Variants in UTRN observed in about 807,000 individuals in gnomAD.
UTRN encodes dystrophin-related protein 1.
A neutral mutation model predicts 463.9 loss-of-function variants in UTRN; 283 were observed. The observed-to-expected ratio is 0.61, with a 90% CI of 0.55 to 0.67. The LOEUF is 0.67. Among genes scored for constraint, UTRN ranks in the 30% least tolerant of loss-of-function variants. The pLI is 0.00. For missense variants in UTRN, 3,922 were observed against 4,084.3 expected, an observed-to-expected ratio of 0.96 and a Z score of 1.08; for synonymous variants, 1,442 against 1,431.5, an observed-to-expected ratio of 1.01 and a Z score of -0.17.
intron 33 of UTRN, among the ~76,000 whole-genome samples, chr6:144,498,619 C>T (rs1187738775): frequency 6.6e-6 from 1 of 151,784 alleles, no homozygotes; most frequent in African/African-American, 2.4e-5. Context: ...TTTATTTCTG[C>T]CCTTTTATGT....
At chr6:144,836,002 C>T in intron 70 of UTRN, 64 bp downstream of exon 70, 2 of 1,567,974 alleles carry the variant, frequency 1.3e-6, no homozygotes, top group Non-Finnish European at 1.7e-6. Flanking sequence ...CACTGTAGCC[C>T]CCATTTATTC....
At chr6:144,613,071 G>A (rs185828749) in intron 51 of UTRN, among the ~76,000 whole-genome samples, 70 of 152,094 alleles carry the variant, frequency 4.6e-4, no homozygotes, top group African/African-American at 1.4e-3. Flanking sequence ...AAATGAGCCT[G>A]GAAGTCATTA....
chr6:144,539,285 C>A lies in UTRN; in HGVS notation c.6370-9C>A, dbSNP rs746081616. On this transcript the variant is annotated splice_polypyrimidine_tract_variant and intron_variant, in intron 44 of 74. Transcript: ENST00000367545. ...CCTTCTAACCACACCTATCTTTTAACTTCTCCAGGACTTAACTCAAGAAAT... is the reference window on the plus strand; with the variant it reads ...CCTTCTAACCACACCTATCTTTTAAATTCTCCAGGACTTAACTCAAGAAAT... The A allele has an allele frequency of 4.4e-6, 7 of 1,598,132 alleles. No individual in the cohort carries two copies. Among genetic ancestry groups the A allele is most frequent in the Middle Eastern group, 1.7e-4 (1 of 6,000 alleles).
intron 70 of UTRN, 112 bp downstream of exon 70, chr6:144,836,050 G>C: frequency 6.7e-7 from 1 of 1,496,574 alleles, no homozygotes; most frequent in Non-Finnish European, 8.9e-7. Context: ...TCTCAGTGGA[G>C]TGAAAATTTT....
At chr6:144,488,352 C>T (rs1792687472) in intron 29 of UTRN, among the ~76,000 whole-genome samples, 1 of 152,136 alleles carries the variant, frequency 6.6e-6, no homozygotes, top group African/African-American at 2.4e-5. Flanking sequence ...GCAGACATTG[C>T]TGATTCCTAA....
At chr6:144,293,265 G>T (rs1197808415) in intron 2 of UTRN, among the ~76,000 whole-genome samples, 2 of 152,088 alleles carry the variant, frequency 1.3e-5, no homozygotes, top group African/African-American at 4.8e-5. Context: ...TTGTGAGGAG[G>T]TATATTCCTA....
chr6:144,546,859 A>C (rs945339767), intron 46 of UTRN, among the ~76,000 whole-genome samples: 1 of 152,170 alleles, frequency 6.6e-6, no homozygotes. Flanking sequence ...TGTTTTCTAA[A>C]ACAAACAAAA....
chr6:144,622,920 A>G (rs1269991597), intron 51 of UTRN, among the ~76,000 whole-genome samples: 1 of 152,170 alleles, frequency 6.6e-6, no homozygotes, highest in East Asian at 1.9e-4. Context: ...TAACTAATTA[A>G]CAGAAGAGCA....
Position 144,730,433 on chromosome 6 carries a change from A to G in UTRN, c.7886A>G (p.Asp2629Gly). The change falls in exon 54 of 75, where the codon GAT (aspartate) becomes GGT (glycine). Residue 2629 changes from aspartate (D) to glycine (G), a missense_variant. By Grantham distance (94) the Asp-to-Gly change is moderately conservative. This residue lies in a region of UTRN where 1,309 missense variants were observed against 1,452.6 expected (regional missense o/e 0.90). Transcript: ENST00000367545. ...AVDQARVFLA[D>G]QPIEAPEEPR... ...GACCAGGCCCGAGTTTTCTTGGCTG[A>G]TCAGCCAATTGAGGCCCCTGAAGAG... The G allele has an allele frequency of 6.2e-7, 1 of 1,611,674 alleles. No homozygotes were observed. The highest frequency in any genetic ancestry group is 8.5e-7 in the Non-Finnish European group (1 of 1,178,760).
intron 2 of UTRN, among the ~76,000 whole-genome samples, chr6:144,305,618 A>G (rs571548319): frequency 3.9e-5 from 6 of 152,362 alleles, no homozygotes; most frequent in Non-Finnish European, 7.3e-5. Flanking sequence ...GGCCAGGGAA[A>G]AGCTGAAGTG....
At chr6:144,549,346 AAGG>A (rs1798698907) in intron 47 of UTRN, among the ~76,000 whole-genome samples, 1 of 152,224 alleles carries the variant, frequency 6.6e-6, no homozygotes, top group African/African-American at 2.4e-5. Context: ...TGAGTGGTAC[AAGG>A]ATACTGACAA....
At chr6:144,328,480 T>C (rs1166603204) in intron 2 of UTRN, among the ~76,000 whole-genome samples, 4 of 152,204 alleles carry the variant, frequency 2.6e-5, no homozygotes, top group African/African-American at 7.2e-5. Context: ...TGTTAATGTC[T>C]CTTGGGAATT....
chr6:144,836,900 C>A lies in UTRN; in HGVS notation c.10065+359C>A, dbSNP rs1781152517. Among the ~76,000 whole-genome samples, 4 of 152,164 alleles carry A rather than the reference C, an allele frequency of 2.6e-5. No individual in the cohort carries two copies. In the South Asian group the frequency reaches 8.3e-4, roughly 31 times the overall value. ...GAGACCTGAAATCGGCATTCTAAAGCTTTCTTCCAGTGAGACAAGAATGCT... is the reference window on the plus strand; with the variant it reads ...GAGACCTGAAATCGGCATTCTAAAGATTTCTTCCAGTGAGACAAGAATGCT... On this transcript the variant is annotated intron_variant, in intron 71 of 74. Coordinates refer to ENST00000367545, the MANE Select transcript of UTRN (RefSeq NM_007124.3).
chr6:144,498,821 T>G (rs1461251859), intron 33 of UTRN, among the ~76,000 whole-genome samples: 1 of 152,020 alleles, frequency 6.6e-6, no homozygotes, highest in Non-Finnish European at 1.5e-5. Flanking sequence ...TACTGGCTAA[T>G]TTTTTGTATT....
chr6:144,616,884 G>A (rs17073954), intron 51 of UTRN, among the ~76,000 whole-genome samples: 3,257 of 152,170 alleles, frequency 0.021, 109 homozygotes, highest in African/African-American at 0.073. Flanking sequence ...CCGCCATAGC[G>A]TTCTACCACC....
At chr6:144,384,993 T>C (rs772905749) in intron 2 of UTRN, among the ~76,000 whole-genome samples, 2 of 152,178 alleles carry the variant, frequency 1.3e-5, no homozygotes, top group Non-Finnish European at 2.9e-5. Context: ...CTTACTCTTA[T>C]CTTGAGGGAA....
At chr6:144,501,726 A>G (rs373437985) in intron 34 of UTRN, among the ~76,000 whole-genome samples, 11 of 152,182 alleles carry the variant, frequency 7.2e-5, no homozygotes, top group African/African-American at 2.7e-4. Context: ...CATATCATAC[A>G]TTCATAATTA....
intron 53 of UTRN, among the ~76,000 whole-genome samples, chr6:144,711,466 C>T (rs1785702981): frequency 6.6e-6 from 1 of 152,182 alleles, no homozygotes; most frequent in Non-Finnish European, 1.5e-5. Context: ...TTATATGCAA[C>T]TTCCCTTTCA....
intron 50 of UTRN, among the ~76,000 whole-genome samples, chr6:144,566,666 C>G (rs2128620025): frequency 6.6e-6 from 1 of 152,192 alleles, no homozygotes; most frequent in Admixed American, 6.5e-5. Context: ...TATACAGTGC[C>G]CCTGAACCTG....
Sources: allele counts gnomAD v4.1 joint callset (sites outside exome capture counted in the v4.1 genomes callset), GRCh38; gene constraint gnomAD v4.1.1; regional missense constraint gnomAD v4.1.1; transcripts MANE v1.5; gene names NCBI Gene and HGNC (gene_info 2026-07-23, HGNC 2026-07-21).